The following CACNG4 variants were observed in gnomAD, a reference collection of about 807,000 sequenced individuals.
CACNG4 encodes calcium voltage-gated channel auxiliary subunit gamma 4.
A neutral mutation model predicts 22.9 loss-of-function variants in CACNG4; 8 were observed. That is an observed-to-expected ratio of 0.35 (90% confidence interval 0.21 to 0.63). CACNG4 has a LOEUF of 0.63. Among genes scored for constraint, CACNG4 ranks in the 30% least tolerant of loss-of-function variants. The pLI is 0.72. For synonymous variants in CACNG4, 188 were observed against 191.9 expected, an observed-to-expected ratio of 0.98 and a Z score of 0.17; for missense variants, 357 against 455.4, an observed-to-expected ratio of 0.78 and a Z score of 1.97.
chr17:66,972,943 C>T (rs1165353379), intron 1 of CACNG4, among the ~76,000 whole-genome samples: 6 of 149,930 alleles, frequency 4.0e-5, no homozygotes, highest in Non-Finnish European at 8.9e-5. Flanking sequence ...AAAACAAAAA[C>T]AAACAAACAA....
intron 1 of CACNG4, among the ~76,000 whole-genome samples, chr17:66,979,453 C>T (rs564533510): frequency 6.6e-6 from 1 of 152,304 alleles, no homozygotes; most frequent in Admixed American, 6.5e-5. Context: ...CAAAAACCCA[C>T]AGATGTGGAA....
chr17:67,024,840 C>A lies in CACNG4; in HGVS notation c.305-20C>A, dbSNP rs370110249. On this transcript the variant is annotated intron_variant, in intron 2 of 3. Coordinates refer to ENST00000262138, the MANE Select transcript of CACNG4 (RefSeq NM_014405.4). Reference sequence around the variant, plus strand: ...TGATCTCACTGCCCTCTGCTTTGTGCCCCCCACCTCCCCGGCCAGGCATCG... The same window carrying A: ...TGATCTCACTGCCCTCTGCTTTGTGACCCCCACCTCCCCGGCCAGGCATCG... 19 of 1,514,694 alleles carry A rather than the reference C, an allele frequency of 1.3e-5. No individual in the cohort carries two copies. The East Asian group carries it at 2.2e-4, about 18-fold the overall frequency. 93.8% of individuals were successfully genotyped at this position (1,514,694 alleles called of 1,614,324 possible).
At chr17:66,965,664 G>T (rs1417503023) in intron 1 of CACNG4, among the ~76,000 whole-genome samples, 1 of 150,670 alleles carries the variant, frequency 6.6e-6, no homozygotes, top group African/African-American at 2.4e-5. Flanking sequence ...CGTCGGTGCC[G>T]CTGGGCGCTT....
chr17:67,032,915 A>G lies in CACNG4; in HGVS notation c.*1911A>G, dbSNP rs890132327. The G allele has an allele frequency of 2.0e-5, 3 of 152,844 alleles. No homozygotes were observed. Among genetic ancestry groups the G allele is most frequent in the Non-Finnish European group, 4.4e-5 (3 of 68,156 alleles). 9.5% of individuals were successfully genotyped at this position (152,844 alleles called of 1,614,324 possible). On this transcript the variant is annotated 3_prime_UTR_variant, in exon 4 of 4. Coordinates refer to ENST00000262138, the MANE Select transcript of CACNG4 (RefSeq NM_014405.4). Reference sequence around the variant, plus strand: ...GAGACTTTTCTTCTGTGATTTCCAAAAGCAAGGCAGCCGTGCTGTTCTAGT... The same window carrying G: ...GAGACTTTTCTTCTGTGATTTCCAAGAGCAAGGCAGCCGTGCTGTTCTAGT...
At chr17:66,982,194 C>T (rs2035280312) in intron 1 of CACNG4, among the ~76,000 whole-genome samples, 2 of 152,196 alleles carry the variant, frequency 1.3e-5, no homozygotes, top group South Asian at 4.1e-4. Context: ...AAGCGGATTG[C>T]CGCTGCTGGC....
intron 1 of CACNG4, among the ~76,000 whole-genome samples, chr17:66,969,929 G>A (rs1007009563): frequency 6.6e-6 from 1 of 152,148 alleles, no homozygotes; most frequent in African/African-American, 2.4e-5. Flanking sequence ...GAGGCAGCCT[G>A]TCCAGTCAGG....
chr17:66,996,682 A>G (rs533601993), intron 1 of CACNG4, among the ~76,000 whole-genome samples: 45 of 152,226 alleles, frequency 3.0e-4, no homozygotes, highest in African/African-American at 1.0e-3. Context: ...TGCCCAGCCC[A>G]TTAGTGCAAT....
Position 67,030,171 on chromosome 17 carries a change from GT to G in CACNG4, c.446-294del, listed in dbSNP as rs1180722057. Among the ~76,000 whole-genome samples the G allele has an allele frequency of 4.9e-5, 7 of 142,984 alleles. No homozygotes were observed. The highest frequency in any genetic ancestry group is 1.8e-4 in the African/African-American group (7 of 39,288). 93.8% of individuals were successfully genotyped at this position (142,984 alleles called of 152,430 possible). ...AATAGGGGTGTGTGTGTGTGTGTGT[GT>G]GAAGAGAGAAATTTTTTTTCTGGAA... On this transcript the variant is annotated intron_variant, in intron 3 of 3. Coordinates refer to ENST00000262138, the MANE Select transcript of CACNG4 (RefSeq NM_014405.4). This position sits in a 1 kb window ranked among gnomAD's most constrained non-coding sequence, Gnocchi z 6.4.
chr17:66,993,000 A>G (rs892104029), intron 1 of CACNG4, among the ~76,000 whole-genome samples: 3 of 152,226 alleles, frequency 2.0e-5, no homozygotes, highest in African/African-American at 7.2e-5. Flanking sequence ...CCCACCTTGC[A>G]CCTAGCGTGC....
At chr17:67,026,591 C>G (rs1425595495) in intron 3 of CACNG4, among the ~76,000 whole-genome samples, 21 of 102,884 alleles carry the variant, frequency 2.0e-4, no homozygotes, top group African/African-American at 3.9e-4. Context: ...GTGTGTGTGT[C>G]TGAGGAGTGT....
intron 2 of CACNG4, among the ~76,000 whole-genome samples, chr17:67,022,466 T>G (rs910297432): frequency 6.6e-6 from 1 of 152,320 alleles, no homozygotes; most frequent in Admixed American, 6.5e-5. Flanking sequence ...CACAGGAAAC[T>G]TCATCCCAGA....
intron 2 of CACNG4, among the ~76,000 whole-genome samples, chr17:67,020,498 C>T (rs7215034): frequency 0.021 from 3,141 of 152,314 alleles, 116 homozygotes; most frequent in African/African-American, 0.072. Flanking sequence ...GACAGCTTGA[C>T]GGCTTTCGGG....
intron 1 of CACNG4, 65 bp downstream of exon 1, chr17:66,965,196 G>A (rs867052778): frequency 0.02 from 7,262 of 361,608 alleles, 28 homozygotes; most frequent in South Asian, 0.04. Flanking sequence ...ATATACACAC[G>A]CGCGCGCGCG....
At chr17:66,976,428 C>G in intron 1 of CACNG4, among the ~76,000 whole-genome samples, 1 of 150,412 alleles carries the variant, frequency 6.6e-6, no homozygotes, top group African/African-American at 2.4e-5. Flanking sequence ...CACCTCCATC[C>G]CTCTCTCTAA....
At chr17:66,989,389 A>G (rs1255694739) in intron 1 of CACNG4, among the ~76,000 whole-genome samples, 1 of 151,550 alleles carries the variant, frequency 6.6e-6, no homozygotes, top group Non-Finnish European at 1.5e-5. Flanking sequence ...CAGAGATTGC[A>G]GTGATGCAGC....
At chr17:67,011,147 C>T (rs542670052) in intron 1 of CACNG4, among the ~76,000 whole-genome samples, 1 of 152,342 alleles carries the variant, frequency 6.6e-6, no homozygotes, top group South Asian at 2.1e-4. Context: ...TGCCTGGACG[C>T]TTGGCCCAGA....
chr17:66,965,068 C>G lies in CACNG4; in HGVS notation c.157C>G (p.Pro53Ala), dbSNP rs781501745. ...CAACCTGACCATGGACGACGGGCCC[C>G]CGCCCCGCCGCGCCCGCGGCGACCT... Reference protein sequence around the residue: ...GTNLTMDDGPPPRRARGDLTH... With the variant: ...GTNLTMDDGPAPRRARGDLTH... Residue 53 changes from proline (P) to alanine (A), a missense_variant, in exon 1 of 4, where the codon CCG becomes GCG. By Grantham distance (27) the Pro-to-Ala change is conservative. This residue lies in a region of CACNG4 where 114 missense variants were observed against 161.6 expected (regional missense o/e 0.71). Transcript: ENST00000262138. 54 of 1,589,978 alleles carry G rather than the reference C, an allele frequency of 3.4e-5. No individual in the cohort carries two copies. The highest frequency in any genetic ancestry group is 4.1e-5 in the African/African-American group (3 of 73,782).
At chr17:66,999,383 C>T (rs1212648064) in intron 1 of CACNG4, among the ~76,000 whole-genome samples, 2 of 152,166 alleles carry the variant, frequency 1.3e-5, no homozygotes, top group African/African-American at 4.8e-5. Flanking sequence ...CTGTATCCAT[C>T]TCAGAAGACT....
chr17:67,005,299 G>T (rs1213635719), intron 1 of CACNG4, among the ~76,000 whole-genome samples: 1 of 152,184 alleles, frequency 6.6e-6, no homozygotes, highest in Non-Finnish European at 1.5e-5. Flanking sequence ...GCCATGTCAT[G>T]CAGGGCCATG....
Sources: gnomAD v4.1 joint callset for allele counts (sites outside exome capture counted in the v4.1 genomes callset) on GRCh38, gnomAD v4.1.1 for gene constraint, gnomAD v4.1.1 regional missense constraint, Gnocchi (gnomAD v3.1) non-coding constraint, MANE v1.5 for transcripts, NCBI Gene and HGNC (gene_info 2026-07-23, HGNC 2026-07-21) for gene names.